NEK11: variants seen among roughly 807,000 people sequenced by gnomAD.
The protein encoded by NEK11 is serine/threonine-protein kinase Nek11.
Under a neutral mutation model 80.7 loss-of-function variants are expected in NEK11, and 72 were observed. The observed-to-expected ratio is 0.89, with a 90% CI of 0.74 to 1.08. The LOEUF is 1.08. NEK11 is among the 50% of genes least tolerant of loss of function. NEK11 has a pLI of 0.00. For synonymous variants in NEK11, 251 were observed against 260.7 expected (o/e 0.96, Z 0.36); for missense variants, 764 against 763.6 (o/e 1.00, Z -0.01).
rs185475720 is a variant in NEK11 at position 131,215,947 on chromosome 3, T to C, written c.1400-12581T>C. 2.9e-3 allele frequency among the ~76,000 whole-genome samples: 435 copies of C among 152,372 alleles called. 1 individual carries two copies. Among genetic ancestry groups the C allele is most frequent in the Non-Finnish European group, 2.7e-3 (181 of 68,036 alleles). Reference sequence around the variant, plus strand: ...TGTCCAGTAGAATTTTCTGCAGTGTTGGAAATATTCTATAATTTTGTCACA... The same window carrying C: ...TGTCCAGTAGAATTTTCTGCAGTGTCGGAAATATTCTATAATTTTGTCACA... On this transcript the variant is annotated intron_variant, in intron 14 of 17. Transcript: ENST00000383366.
At position 131,109,527 on chromosome 3, in the gene NEK11, G is replaced by A. The variant is rs2079731593; in HGVS notation, c.337-276G>A. The A allele has an allele frequency of 1.6e-5, 4 of 249,678 alleles. No individual in the cohort carries two copies. In the South Asian group the frequency reaches 4.6e-4, roughly 29 times the overall value. The allele number at this position is 249,678 out of a possible 1,614,324, so 15.5% of individuals were successfully genotyped here. On this transcript the variant is annotated intron_variant, in intron 4 of 17. Coordinates refer to ENST00000383366, the MANE Select transcript of NEK11 (RefSeq NM_024800.5). ...AGGTAGGAACTTTAAGGGGTAGGAG[G>A]GTAGGACCATCCTAGGGTTGTGGCC...
chr3:131,039,390 G>A (rs1271224425), intron 3 of NEK11, among the ~76,000 whole-genome samples: 1 of 152,150 alleles, frequency 6.6e-6, no homozygotes, highest in African/African-American at 2.4e-5. Flanking sequence ...AGCCCTTCTT[G>A]CTGTTGTTTC....
chr3:131,349,082 A>G (rs1007498476), intron 17 of NEK11, among the ~76,000 whole-genome samples: 1 of 152,156 alleles, frequency 6.6e-6, no homozygotes, highest in African/African-American at 2.4e-5. Context: ...TTTTAGCCTT[A>G]GGGCCAAAAT....
At position 131,168,843 on chromosome 3, in the gene NEK11, T is replaced by C. The variant is rs1471953717; in HGVS notation, c.1190T>C (p.Leu397Ser). 1 of 1,613,268 alleles carries C rather than the reference T, an allele frequency of 6.2e-7. No individual in the cohort carries two copies. ...TAATCTCTTTAGGAAAAAACACATT[T>C]AAAAGGAATGGAAGAAAAGGAGGAG... ...SVDVLHEKTH[L>S]KGMEEKEEQP... Residue 397 changes from leucine (L) to serine (S), a missense_variant, in exon 13 of 18, where the codon TTA (leucine) becomes TCA (serine). Transcript: ENST00000383366.
rs143748965 is a variant in NEK11 at position 131,104,999 on chromosome 3, C to T, written c.337-4804C>T. Among the ~76,000 whole-genome samples the T allele has an allele frequency of 3.2e-4, 48 of 152,274 alleles. No individual in the cohort carries two copies. The East Asian group carries it at 8.1e-3, about 26-fold the overall frequency. On this transcript the variant is annotated intron_variant, in intron 4 of 17. Transcript: ENST00000383366. ...TTGCTCTTCTTTGCTTTCTGTGGGT[C>T]GCTGTTGCTTCTTTGATGAATCAAA...
At chr3:131,216,102 G>A (rs892575379) in intron 14 of NEK11, among the ~76,000 whole-genome samples, 3 of 152,186 alleles carry the variant, frequency 2.0e-5, no homozygotes, top group African/African-American at 7.2e-5. Context: ...TAAAAGAAGT[G>A]GTACTTTAAA....
chr3:131,134,131 C>A, intron 7 of NEK11, 175 bp downstream of exon 7: 1 of 514,400 alleles, frequency 1.9e-6, no homozygotes, highest in Non-Finnish European at 3.1e-6. Context: ...TTTCATTAAA[C>A]TAGTTTCAAA....
intron 17 of NEK11, among the ~76,000 whole-genome samples, chr3:131,309,828 T>C (rs1215202594): frequency 6.6e-6 from 1 of 150,808 alleles, no homozygotes; most frequent in Non-Finnish European, 1.5e-5. Context: ...TACTAAAAAT[T>C]AAAAAGACAA....
At chr3:131,296,214 AT>A (rs1202770351) in intron 17 of NEK11, among the ~76,000 whole-genome samples, 1 of 152,130 alleles carries the variant, frequency 6.6e-6, no homozygotes, top group African/African-American at 2.4e-5. Context: ...AATAATCCTA[AT>A]TCTCTCCTCC....
intron 17 of NEK11, among the ~76,000 whole-genome samples, chr3:131,274,253 C>T (rs1353639615): frequency 2.0e-5 from 3 of 149,192 alleles, no homozygotes; most frequent in Non-Finnish European, 4.4e-5. Flanking sequence ...ATGATGATTT[C>T]CAGTTTCATC....
intron 3 of NEK11, among the ~76,000 whole-genome samples, chr3:131,078,055 G>A (rs2074657212): frequency 6.6e-6 from 1 of 152,206 alleles, no homozygotes; most frequent in South Asian, 2.1e-4. Flanking sequence ...TGGCATAGTT[G>A]AGTCCTTGCC....
intron 16 of NEK11, among the ~76,000 whole-genome samples, chr3:131,268,409 T>G (rs774103850): frequency 6.6e-6 from 1 of 152,240 alleles, no homozygotes; most frequent in Non-Finnish European, 1.5e-5. Flanking sequence ...TTCATGGATT[T>G]ATCTACCTTT....
In NEK11 at chr3:131,349,580, C is replaced by T; in HGVS notation, c.1742C>T (p.Thr581Ile). ...MRESAMQKLG[T>I]EVFEEVYNYL... The stretch of plus-strand genomic sequence containing the variant: ...AGATCAGCCATGCAGAAGCTGGGGA[C>T]AGAAGTATTTGAAGAGGTCTATAAT... Residue 581 changes from threonine (T) to isoleucine (I), a missense_variant, in exon 18 of 18, where the codon ACA becomes ATA. Coordinates refer to ENST00000383366, the MANE Select transcript of NEK11 (RefSeq NM_024800.5). The T allele has an allele frequency of 1.9e-6, 3 of 1,614,002 alleles. No individual in the cohort carries two copies. The highest frequency in any genetic ancestry group is 2.5e-6 in the Non-Finnish European group (3 of 1,179,982).
chr3:131,305,651 C>G (rs1198554491), intron 17 of NEK11, among the ~76,000 whole-genome samples: 1 of 152,202 alleles, frequency 6.6e-6, no homozygotes, highest in Non-Finnish European at 1.5e-5. Context: ...GTCCACCTCT[C>G]TGAACAGTTC....
chr3:131,177,615 C>T (rs951583437), intron 14 of NEK11, among the ~76,000 whole-genome samples: 2 of 152,182 alleles, frequency 1.3e-5, no homozygotes, highest in African/African-American at 4.8e-5. Flanking sequence ...GACTAATCTC[C>T]CTGATCATTT....
intron 17 of NEK11, among the ~76,000 whole-genome samples, chr3:131,313,190 A>G (rs2096799035): frequency 6.6e-6 from 1 of 152,188 alleles, no homozygotes; most frequent in Admixed American, 6.5e-5. Context: ...TCCATGGTGT[A>G]TATGTACCAC....
intron 7 of NEK11, among the ~76,000 whole-genome samples, chr3:131,146,292 C>T (rs1011238619): frequency 5.9e-5 from 9 of 152,082 alleles, no homozygotes; most frequent in Middle Eastern, 3.4e-3. Context: ...GTGTGTTAGG[C>T]TACATAACAG....
intron 17 of NEK11, among the ~76,000 whole-genome samples, chr3:131,294,210 AT>A (rs1400876873): frequency 2.6e-5 from 4 of 151,982 alleles, no homozygotes; most frequent in Non-Finnish European, 5.9e-5. Flanking sequence ...ACTGCTATAA[AT>A]TTTTTCCTAA....
intron 4 of NEK11, among the ~76,000 whole-genome samples, chr3:131,101,006 A>AT (rs1319470597): frequency 6.6e-6 from 1 of 151,584 alleles, no homozygotes; most frequent in African/African-American, 2.4e-5. Flanking sequence ...TTTCCTCTAG[A>AT]TTTTCTATTT....
Sources: allele counts gnomAD v4.1 joint callset (sites outside exome capture counted in the v4.1 genomes callset), GRCh38; gene constraint gnomAD v4.1.1; transcripts MANE v1.5; gene names NCBI Gene and HGNC (gene_info 2026-07-23, HGNC 2026-07-21).